The following NAV3 variants were observed in gnomAD, a reference collection of about 807,000 sequenced individuals.
NAV3 encodes pore membrane and/or filament interacting like protein 1.
A neutral mutation model predicts 244.7 loss-of-function variants in NAV3; 87 were observed. That is an observed-to-expected ratio of 0.36 (90% CI 0.30 to 0.42). NAV3 has a LOEUF of 0.42. Ranked by LOEUF, NAV3 falls within the 20% of genes least tolerant of loss-of-function variation. The pLI is 1.00. For synonymous variants in NAV3, 1,126 were observed against 1,042.2 expected, an observed-to-expected ratio of 1.08 and a Z score of -1.55; for missense variants, 2,663 against 2,893.3, an observed-to-expected ratio of 0.92 and a Z score of 1.83.
chr12:77,761,571 A>T (rs1224261349), intron 2 of NAV3, among the ~76,000 whole-genome samples: 1 of 152,200 alleles, frequency 6.6e-6, no homozygotes, highest in African/African-American at 2.4e-5. Flanking sequence ...AACTTAAACA[A>T]ATTTACAAGA....
intron 2 of NAV3, among the ~76,000 whole-genome samples, chr12:77,628,705 G>A (rs1209728767): frequency 1.3e-5 from 2 of 151,568 alleles, no homozygotes; most frequent in East Asian, 3.9e-4. Context: ...GCAACATGGT[G>A]AAACCCTATC....
chr12:77,939,945 T>A (rs1889707060), intron 1 of NAV3, among the ~76,000 whole-genome samples: 1 of 152,196 alleles, frequency 6.6e-6, no homozygotes. Flanking sequence ...TCTATGTAAA[T>A]CAGTCCAGGT....
intron 11 of NAV3, 64 bp downstream of exon 11, chr12:78,051,211 CA>C (rs1882710349): frequency 4.6e-6 from 7 of 1,510,536 alleles, no homozygotes. Context: ...ATAATGCATT[CA>C]CTATAAACAA....
intron 2 of NAV3, among the ~76,000 whole-genome samples, chr12:77,808,769 G>A (rs1278383467): frequency 6.6e-6 from 1 of 152,168 alleles, no homozygotes; most frequent in Non-Finnish European, 1.5e-5. Flanking sequence ...CTGAAGTTGT[G>A]CCCATAGCCC....
chr12:78,031,533 C>T (rs957659143), intron 9 of NAV3, among the ~76,000 whole-genome samples: 1 of 151,948 alleles, frequency 6.6e-6, no homozygotes, highest in Admixed American at 6.6e-5. Flanking sequence ...GGCACATATA[C>T]ACCATGGAAT....
rs11106695 is a variant in NAV3, at chr12:77,787,225, C to T, written c.73-153094C>T. Among the ~76,000 whole-genome samples the T allele has an allele frequency of 6.2e-3, 950 of 152,216 alleles. 11 individuals are homozygous for T. The highest frequency in any genetic ancestry group is 0.022 in the African/African-American group (901 of 41,538). On this transcript the variant is annotated intron_variant, in intron 2 of 8. Coordinates refer to the NAV3 transcript ENST00000550042. ...CATATTTTACTGGTATTGCATACTT[C>T]ATGATATATTCATTTTTGAATGGTT... is the stretch of plus-strand genomic sequence containing the variant.
intron 2 of NAV3, among the ~76,000 whole-genome samples, chr12:77,806,321 C>A (rs1351921501): frequency 3.3e-5 from 5 of 152,302 alleles, no homozygotes; most frequent in East Asian, 1.9e-4. Context: ...AAATTCCCCT[C>A]TAAACACTGC....
At chr12:78,145,397 A>G (rs1177618248) in intron 20 of NAV3, among the ~76,000 whole-genome samples, 1 of 152,204 alleles carries the variant, frequency 6.6e-6, no homozygotes, top group Non-Finnish European at 1.5e-5. Flanking sequence ...AAAAGCAGTA[A>G]AAAACAGTTC....
intron 16 of NAV3, among the ~76,000 whole-genome samples, chr12:78,125,204 T>C (rs1955853916): frequency 6.6e-6 from 1 of 152,142 alleles, no homozygotes; most frequent in African/African-American, 2.4e-5. Context: ...AGAGAAAATG[T>C]GTTAATGTAA....
intron 11 of NAV3, 84 bp from the exon 12 acceptor site, chr12:78,058,912 T>A: frequency 8.3e-7 from 1 of 1,209,548 alleles, no homozygotes; most frequent in Non-Finnish European, 1.1e-6. Flanking sequence ...TATTGAAAAT[T>A]GTGGACACCG....
In NAV3 at chr12:78,177,968, G is replaced by A. The variant is rs1387506515; in HGVS notation, c.5363+283G>A. ...GTACTTTCCAAGACCCCCAGTGGAT[G>A]CCTGAAACCATAGATAGCACCAAGC... On this transcript the variant is annotated intron_variant, in intron 28 of 39. Coordinates refer to ENST00000397909, the MANE Select transcript of NAV3 (RefSeq NM_001024383.2). Among the ~76,000 whole-genome samples the A allele has an allele frequency of 1.1e-4, 17 of 151,128 alleles. 3 individuals are homozygous for A. Among genetic ancestry groups the A allele is most frequent in the Admixed American group, 9.9e-4 (15 of 15,132 alleles).
intron 12 of NAV3, among the ~76,000 whole-genome samples, chr12:78,093,213 A>T (rs2138060770): frequency 6.6e-6 from 1 of 152,354 alleles, no homozygotes; most frequent in Admixed American, 6.5e-5. Flanking sequence ...AAGCAAATTC[A>T]GGTGTAGGTT....
At chr12:77,820,270 A>G (rs1453216558) in intron 2 of NAV3, among the ~76,000 whole-genome samples, 1 of 152,148 alleles carries the variant, frequency 6.6e-6, no homozygotes, top group Non-Finnish European at 1.5e-5. Flanking sequence ...GTGCTGTTAT[A>G]ACAGAGTACC....
At chr12:77,585,717 C>T (rs992981831) in intron 2 of NAV3, among the ~76,000 whole-genome samples, 1 of 152,204 alleles carries the variant, frequency 6.6e-6, no homozygotes, top group Non-Finnish European at 1.5e-5. Context: ...TGCTCCTCGC[C>T]TGTCACTCAG....
intron 2 of NAV3, among the ~76,000 whole-genome samples, chr12:77,671,335 G>A: frequency 6.6e-6 from 1 of 151,956 alleles, no homozygotes; most frequent in Non-Finnish European, 1.5e-5. Context: ...TGGCCATATT[G>A]CCAAAAGCAA....
chr12:77,720,158 TC>T (rs1565785873), intron 2 of NAV3, among the ~76,000 whole-genome samples: 2 of 3,880 alleles, frequency 5.2e-4, no homozygotes, highest in Non-Finnish European at 6.8e-3. Context: ...CTTGAGTTTC[TC>T]TCTCTCTCTC....
At chr12:77,646,283 A>C (rs112816238) in intron 2 of NAV3, among the ~76,000 whole-genome samples, 1 of 152,150 alleles carries the variant, frequency 6.6e-6, no homozygotes, top group Non-Finnish European at 1.5e-5. Flanking sequence ...TGCAATTTCT[A>C]AAGCACGCTA....
At chr12:77,866,442 G>T (rs770159) in intron 1 of NAV3, among the ~76,000 whole-genome samples, 2 of 151,934 alleles carry the variant, frequency 1.3e-5, no homozygotes, top group African/African-American at 4.8e-5. Flanking sequence ...CTATGCAGCC[G>T]CAGAGGTAAC....
chr12:78,123,770 C>A (rs532512867), intron 16 of NAV3, among the ~76,000 whole-genome samples: 20 of 152,248 alleles, frequency 1.3e-4, no homozygotes, highest in Non-Finnish European at 2.4e-4. Flanking sequence ...TAAAATGTAA[C>A]CATTTCCCTA....
Sources: allele counts gnomAD v4.1 joint callset (sites outside exome capture counted in the v4.1 genomes callset), GRCh38; gene constraint gnomAD v4.1.1; transcripts MANE v1.5; gene names NCBI Gene and HGNC (gene_info 2026-07-23, HGNC 2026-07-21).